CNBD1: variants seen among roughly 807,000 people sequenced by gnomAD.
CNBD1 encodes cyclic nucleotide-binding domain-containing protein 1.
Under a neutral mutation model 54.4 loss-of-function variants are expected in CNBD1, and 71 were observed. The observed-to-expected ratio is 1.30, with a 90% CI of 1.08 to 1.59. The LOEUF is 1.59. CNBD1 is among the 40% of genes most tolerant of loss of function. CNBD1 has a pLI of 0.00. For missense variants in CNBD1, 659 were observed against 518.0 expected (o/e 1.27, Z -2.64); for synonymous variants, 182 against 170.7 (o/e 1.07, Z -0.51).
At chr8:87,332,227 A>T (rs1809849858) in intron 8 of CNBD1, among the ~76,000 whole-genome samples, 1 of 152,112 alleles carries the variant, frequency 6.6e-6, no homozygotes, top group South Asian at 2.1e-4. Context: ...GGGCACCTGT[A>T]ATTCCAGTTA....
chr8:87,071,004 G>T (rs1810749323), intron 4 of CNBD1, among the ~76,000 whole-genome samples: 1 of 151,850 alleles, frequency 6.6e-6, no homozygotes, highest in Admixed American at 6.6e-5. Flanking sequence ...CTCTTCAATT[G>T]TTGATTAGTT....
At chr8:87,387,797 A>C (rs566153251), downstream of CNBD1, among the ~76,000 whole-genome samples, 36 of 152,342 alleles carry the variant, frequency 2.4e-4, no homozygotes, top group Non-Finnish European at 1.5e-5. Context: ...AATCAGCAGA[A>C]TATACATTCT....
At chr8:87,237,589 T>C in intron 6 of CNBD1, among the ~76,000 whole-genome samples, 1 of 152,198 alleles carries the variant, frequency 6.6e-6, no homozygotes, top group Non-Finnish European at 1.5e-5. Context: ...TGCATCTATA[T>C]AATATTTCAA....
rs548546692 is a variant in CNBD1 at position 87,221,440 on chromosome 8, C to T, written c.577+15302C>T. Among the ~76,000 whole-genome samples, 3 of 152,200 alleles carry T rather than the reference C, an allele frequency of 2.0e-5. No individual in the cohort carries two copies. In the South Asian group the frequency reaches 6.2e-4, roughly 32 times the overall value. The stretch of plus-strand genomic sequence containing the variant: ...GAAGTCCATCAAGTACTCCATGTTA[C>T]CTGCTTCTGGTCTTGTTCATTTGAT... On this transcript the variant is annotated intron_variant, in intron 5 of 10. Transcript: ENST00000518476.
chr8:87,393,043 T>C (rs1256625096), intron 2 of CNBD1, among the ~76,000 whole-genome samples: 1 of 151,928 alleles, frequency 6.6e-6, no homozygotes, highest in East Asian at 1.9e-4. Context: ...GTGTGATGAC[T>C]CCTAAGGCTT....
At chr8:87,271,193 CTTTG>C (rs1808355940) in intron 6 of CNBD1, among the ~76,000 whole-genome samples, 1 of 151,358 alleles carries the variant, frequency 6.6e-6, no homozygotes, top group Non-Finnish European at 1.5e-5. Flanking sequence ...GGTTTCTCTA[CTTTG>C]TTTATCTTTT....
intron 6 of CNBD1, among the ~76,000 whole-genome samples, chr8:87,280,607 TG>T (rs1808582267): frequency 6.6e-6 from 1 of 151,500 alleles, no homozygotes; most frequent in South Asian, 2.1e-4. Flanking sequence ...TGTAAATGCC[TG>T]GAGGCTAAAA....
At chr8:87,272,099 T>A (rs1433494647) in intron 6 of CNBD1, among the ~76,000 whole-genome samples, 1 of 151,262 alleles carries the variant, frequency 6.6e-6, no homozygotes, top group Non-Finnish European at 1.5e-5. Context: ...AGGGTGGGGG[T>A]GATGTGTGGT....
intron 2 of CNBD1, among the ~76,000 whole-genome samples, chr8:86,888,326 T>A (rs1023950502): frequency 6.6e-6 from 1 of 152,184 alleles, no homozygotes; most frequent in Non-Finnish European, 1.5e-5. Flanking sequence ...GAAGAAGGCA[T>A]GCAACTTTGA....
intron 10 of CNBD1, among the ~76,000 whole-genome samples, chr8:87,380,623 A>T (rs1389304125): frequency 6.6e-6 from 1 of 152,060 alleles, no homozygotes; most frequent in Non-Finnish European, 1.5e-5. Flanking sequence ...GGGACATTTT[A>T]ACAATATTGT....
At chr8:87,233,315 A>T (rs931703031) in intron 5 of CNBD1, among the ~76,000 whole-genome samples, 1 of 152,090 alleles carries the variant, frequency 6.6e-6, no homozygotes, top group African/African-American at 2.4e-5. Context: ...GGCACTCCTC[A>T]GAGAAATTTC....
At chr8:86,878,549 G>T in intron 1 of CNBD1, among the ~76,000 whole-genome samples, 1 of 148,838 alleles carries the variant, frequency 6.7e-6, no homozygotes, top group South Asian at 2.1e-4. Context: ...ACTTAACATT[G>T]TCCTCTGTAT....
intron 4 of CNBD1, among the ~76,000 whole-genome samples, chr8:87,145,140 G>A (rs1013179144): frequency 1.8e-4 from 27 of 152,110 alleles, no homozygotes; most frequent in African/African-American, 5.8e-4. Flanking sequence ...TTATTTAGGT[G>A]CTTTTTAGTA....
intron 4 of CNBD1, among the ~76,000 whole-genome samples, chr8:86,964,744 A>T (rs542251943): frequency 1.3e-5 from 2 of 152,248 alleles, no homozygotes; most frequent in African/African-American, 4.8e-5. Context: ...GAGTGAAGGG[A>T]GCTGATTCCC....
chr8:87,388,977 T>G (rs1455322869), intron 2 of CNBD1, among the ~76,000 whole-genome samples: 1 of 152,144 alleles, frequency 6.6e-6, no homozygotes, highest in African/African-American at 2.4e-5. Flanking sequence ...ATCCAGCATA[T>G]AAACAGAACC....
intron 6 of CNBD1, among the ~76,000 whole-genome samples, chr8:87,239,017 A>C (rs1310756314): frequency 1.3e-5 from 2 of 152,094 alleles, no homozygotes; most frequent in African/African-American, 2.4e-5. Flanking sequence ...AACATCATTA[A>C]AATTTTATCA....
chr8:86,989,245 G>A (rs548318118), intron 4 of CNBD1, among the ~76,000 whole-genome samples: 7 of 152,110 alleles, frequency 4.6e-5, no homozygotes, highest in South Asian at 2.1e-4. Context: ...AGTGAGCTGC[G>A]ATCATGCCAC....
At chr8:87,410,201 C>G (rs1163172188) in intron 2 of CNBD1, among the ~76,000 whole-genome samples, 2 of 152,082 alleles carry the variant, frequency 1.3e-5, no homozygotes, top group Admixed American at 6.6e-5. Flanking sequence ...ACCAAGAGCT[C>G]TGATGGAGAT....
intron 4 of CNBD1, among the ~76,000 whole-genome samples, chr8:87,059,461 G>A (rs1470502927): frequency 6.6e-6 from 1 of 152,156 alleles, no homozygotes; most frequent in Non-Finnish European, 1.5e-5. Flanking sequence ...ACCTGAGACT[G>A]GGTAATTTAT....
Sources: gnomAD v4.1 joint callset for allele counts (sites outside exome capture counted in the v4.1 genomes callset) on GRCh38, gnomAD v4.1.1 for gene constraint, MANE v1.5 for transcripts, NCBI Gene and HGNC (gene_info 2026-07-23, HGNC 2026-07-21) for gene names.